The following CALCR variants were observed in gnomAD, a reference collection of about 807,000 sequenced individuals.
The protein encoded by CALCR is calcitonin receptor.
A neutral mutation model predicts 59.5 loss-of-function variants in CALCR; 47 were observed. That is an observed-to-expected ratio of 0.79 (90% CI 0.63 to 1.01). The LOEUF is 1.01. Among genes scored for constraint, CALCR ranks in the 50% least tolerant of loss-of-function variants. The probability of loss-of-function intolerance (pLI) is 0.00; values close to 1 mark genes in which losing one functional copy is unlikely to be tolerated. For synonymous variants in CALCR, 213 were observed against 211.3 expected (o/e 1.01, Z -0.07); for missense variants, 566 against 597.1 (o/e 0.95, Z 0.54).
intron 11 of CALCR, among the ~76,000 whole-genome samples, chr7:93,436,912 G>T (rs1266490048): frequency 6.6e-6 from 1 of 152,078 alleles, no homozygotes; most frequent in Non-Finnish European, 1.5e-5. Context: ...TCCTTCCTCT[G>T]CCCAAAAGTG....
intron 2 of CALCR, among the ~76,000 whole-genome samples, chr7:93,526,493 T>C (rs1290736536): frequency 1.5e-5 from 2 of 135,542 alleles, no homozygotes; most frequent in Non-Finnish European, 3.1e-5. Context: ...AGAGATATGG[T>C]AAAGGAAAAA....
chr7:93,439,426 G>C (rs544029494), intron 9 of CALCR, among the ~76,000 whole-genome samples: 86 of 152,222 alleles, frequency 5.6e-4, no homozygotes, highest in African/African-American at 2.0e-3. Flanking sequence ...GGATATTTTA[G>C]AATTAGAGAG....
intron 13 of CALCR, among the ~76,000 whole-genome samples, chr7:93,431,736 C>T (rs1799662374): frequency 6.6e-6 from 1 of 152,170 alleles, no homozygotes; most frequent in Non-Finnish European, 1.5e-5. Context: ...TTGCACACTC[C>T]AATTTGTGAC....
intron 2 of CALCR, among the ~76,000 whole-genome samples, chr7:93,494,931 T>C (rs1780350749): frequency 6.6e-6 from 1 of 151,390 alleles, no homozygotes; most frequent in South Asian, 2.1e-4. Flanking sequence ...CAGAGGCCAA[T>C]GGCTTAGTTG....
chr7:93,481,996 G>A (rs1800808229), intron 3 of CALCR, among the ~76,000 whole-genome samples: 1 of 151,780 alleles, frequency 6.6e-6, no homozygotes, highest in African/African-American at 2.4e-5. Flanking sequence ...TGCTCTCATA[G>A]AGCTTACAGT....
intron 3 of CALCR, among the ~76,000 whole-genome samples, chr7:93,485,072 A>T (rs758668494): frequency 2.0e-5 from 3 of 151,632 alleles, no homozygotes; most frequent in South Asian, 2.1e-4. Context: ...TGTCATTAAA[A>T]TTTTTTTTCT....
intron 2 of CALCR, among the ~76,000 whole-genome samples, chr7:93,564,094 A>G (rs577872001): frequency 1.3e-5 from 2 of 151,936 alleles, no homozygotes; most frequent in South Asian, 2.1e-4. Context: ...CTTTTTTTTT[A>G]GAAAGTAGAA....
intron 2 of CALCR, among the ~76,000 whole-genome samples, chr7:93,567,206 G>T (rs1157424161): frequency 1.3e-5 from 2 of 152,224 alleles, no homozygotes; most frequent in African/African-American, 4.8e-5. Flanking sequence ...TTTGGAGGAA[G>T]TACTACAGAT....
At chr7:93,557,714 T>C in intron 2 of CALCR, among the ~76,000 whole-genome samples, 1 of 151,990 alleles carries the variant, frequency 6.6e-6, no homozygotes, top group Non-Finnish European at 1.5e-5. Flanking sequence ...TTTCTCCTAG[T>C]GTATCAATAT....
At chr7:93,496,470 G>A (rs781289350) in intron 2 of CALCR, among the ~76,000 whole-genome samples, 2 of 151,424 alleles carry the variant, frequency 1.3e-5, no homozygotes, top group Non-Finnish European at 3.0e-5. Flanking sequence ...GATTAAGCCT[G>A]CAAGTCATGA....
chr7:93,461,909 T>A (rs1460595817), intron 7 of CALCR, among the ~76,000 whole-genome samples: 1 of 152,160 alleles, frequency 6.6e-6, no homozygotes. Flanking sequence ...ATTAGTATAA[T>A]GTCATTCACC....
chr7:93,489,071 A>T (rs1170028292), intron 2 of CALCR, among the ~76,000 whole-genome samples: 2 of 151,970 alleles, frequency 1.3e-5, no homozygotes, highest in African/African-American at 4.8e-5. Context: ...AGTCTCTCAG[A>T]CCACAATGCA....
intron 3 of CALCR, among the ~76,000 whole-genome samples, chr7:93,485,074 T>A (rs1800911928): frequency 6.6e-6 from 1 of 150,478 alleles, no homozygotes; most frequent in Non-Finnish European, 1.5e-5. Flanking sequence ...TCATTAAAAT[T>A]TTTTTTCTCT....
At chr7:93,554,234 T>C (rs1490404416) in intron 2 of CALCR, among the ~76,000 whole-genome samples, 3 of 152,206 alleles carry the variant, frequency 2.0e-5, no homozygotes, top group Non-Finnish European at 4.4e-5. Flanking sequence ...AATTAGTGTA[T>C]AAAATATGCT....
At position 93,479,441 on chromosome 7, in the gene CALCR, G is replaced by T; in HGVS notation, c.118C>A (p.Leu40Ile). Residue 40 changes from leucine (L) to isoleucine (I), a missense_variant, in exon 4 of 14, where the codon CTT becomes ATT. Physicochemically the swap from Leu to Ile is conservative, Grantham distance 5. Coordinates refer to ENST00000426151, the MANE Select transcript of CALCR (RefSeq NM_001742.4). ...ATCTTCTTTCGTCCTACGACGTAAA[G>T]AAATGGCTTGGGCTCTATTGTTGGA... ...TYPTIEPKPF[L>I]YVVGRKKMMD... The T allele has an allele frequency of 6.2e-7, 1 of 1,612,666 alleles. No homozygotes were observed. The highest frequency in any genetic ancestry group is 8.5e-7 in the Non-Finnish European group (1 of 1,179,122).
intron 2 of CALCR, chr7:93,559,689 G>A (rs777584725): frequency 4.6e-5 from 7 of 151,172 alleles, no homozygotes; most frequent in South Asian, 2.1e-4. Flanking sequence ...GAAATATTTC[G>A]GTCTTTGACC....
chr7:93,436,301 G>C, intron 11 of CALCR, 131 bp from the exon 12 acceptor site: 2 of 707,440 alleles, frequency 2.8e-6, no homozygotes, highest in Non-Finnish European at 4.7e-6. Context: ...GTCTACCTGA[G>C]AGGTAGCACA....
At chr7:93,477,250 T>A (rs1800685390) in intron 5 of CALCR, among the ~76,000 whole-genome samples, 1 of 151,832 alleles carries the variant, frequency 6.6e-6, no homozygotes, top group Non-Finnish European at 1.5e-5. Context: ...CCTTTTTCAG[T>A]GAGACAATTG....
At chr7:93,553,319 A>C (rs999277) in intron 2 of CALCR, among the ~76,000 whole-genome samples, 29,216 of 151,946 alleles carry the variant, frequency 0.19, 3,464 homozygotes, top group East Asian at 0.36. Context: ...TCAACAAGGG[A>C]AGAGCTGGGA....
Sources: gnomAD v4.1 joint callset for allele counts (sites outside exome capture counted in the v4.1 genomes callset) on GRCh38, gnomAD v4.1.1 for gene constraint, MANE v1.5 for transcripts, NCBI Gene and HGNC (gene_info 2026-07-23, HGNC 2026-07-21) for gene names.